Variants in FMNL1 observed in about 807,000 individuals in gnomAD.
FMNL1 encodes formin like 1.
FMNL1 carries 43 observed loss-of-function variants against 121.3 expected under a neutral mutation model. The ratio of observed to expected loss-of-function variants is 0.35; its 90% CI spans 0.28 to 0.46. FMNL1 has a LOEUF of 0.46. Ranked by LOEUF, FMNL1 falls within the 20% of genes least tolerant of loss-of-function variation. FMNL1 has a pLI of 1.00. For synonymous variants in FMNL1, 613 were observed against 613.5 expected, an observed-to-expected ratio of 1.00 and a Z score of 0.01; for missense variants, 1,191 against 1,482.4, an observed-to-expected ratio of 0.80 and a Z score of 3.23.
chr17:45,238,819 G>T lies in FMNL1; in HGVS notation c.970-136G>T, dbSNP rs904141460. 23 of 1,074,168 alleles carry T rather than the reference G, an allele frequency of 2.1e-5. No homozygotes were observed. The Admixed American group carries it at 3.4e-4, about 16-fold the overall frequency. 66.5% of individuals were successfully genotyped at this position (1,074,168 alleles called of 1,614,324 possible). On this transcript the variant is annotated intron_variant, in intron 10 of 26. Transcript: ENST00000331495. Reference sequence around the variant, plus strand: ...GATTGAGGGAACATGGAGGTGAAATGTTGGGCAGGCCAAGGCTGGGAGTTA... The same window carrying T: ...GATTGAGGGAACATGGAGGTGAAATTTTGGGCAGGCCAAGGCTGGGAGTTA...
Position 45,237,199 on chromosome 17 carries a change from G to C in FMNL1, c.724-82G>C. On this transcript the variant is annotated intron_variant, in intron 7 of 26. Transcript: ENST00000331495. This position sits in a 1 kb window ranked among gnomAD's most constrained non-coding sequence, Gnocchi z 4.4. ...TACAAAGAACTTCCTAAACTCGAGG[G>C]CAGTTAAAGATCCACGTGGCGTGGG... The C allele has an allele frequency of 7.9e-7, 1 of 1,269,926 alleles. No homozygotes were observed. The highest frequency in any genetic ancestry group is 2.3e-5 in the East Asian group (1 of 42,716). The allele number at this position is 1,269,926 out of a possible 1,614,324, so 78.7% of individuals were successfully genotyped here.
chr17:45,222,162 G>T lies in FMNL1; in HGVS notation c.38G>T (p.Gly13Val). The change falls in exon 1 of 27, where the codon GGC (glycine) becomes GTC (valine). Residue 13 changes from glycine (G) to valine (V), a missense_variant. By Grantham distance (109) the Gly-to-Val change is moderately radical. Transcript: ENST00000331495. The part of the protein sequence containing the change: ...NAAGSAEQPA[G>V]PAAPPPKQPA... ...GCCGGCAGCGCCGAGCAGCCCGCGG[G>T]CCCCGCCGCGCCGCCCCCCAAGCAG... 5 of 1,207,780 alleles carry T rather than the reference G, an allele frequency of 4.1e-6. No individual in the cohort carries two copies. The highest frequency in any genetic ancestry group is 5.1e-6 in the Non-Finnish European group (5 of 974,172). The allele number at this position is 1,207,780 out of a possible 1,614,324, so 74.8% of individuals were successfully genotyped here. A position where few individuals can be genotyped will look rare whatever the true frequency, so the allele number is the denominator to read the frequency against.
intron 1 of FMNL1, among the ~76,000 whole-genome samples, chr17:45,227,289 C>T (rs965971804): frequency 2.4e-4 from 37 of 152,174 alleles, no homozygotes; most frequent in East Asian, 1.9e-4. Flanking sequence ...GATGTGGACG[C>T]AGCCCCTTCA....
At chr17:45,228,920 C>T (rs1447690058) in intron 1 of FMNL1, among the ~76,000 whole-genome samples, 1 of 152,232 alleles carries the variant, frequency 6.6e-6, no homozygotes, top group African/African-American at 2.4e-5. Context: ...CTTGCTCCCA[C>T]CTTAGCCCTG....
At chr17:45,238,026 T>C in intron 9 of FMNL1, 2 of 215,456 alleles carry the variant, frequency 9.3e-6, no homozygotes, top group South Asian at 1.5e-4. Flanking sequence ...TCTTCATTCA[T>C]TCATTCCTTT....
At chr17:45,235,775 G>T (rs1355475295) in intron 6 of FMNL1, among the ~76,000 whole-genome samples, 1 of 152,186 alleles carries the variant, frequency 6.6e-6, no homozygotes, top group Non-Finnish European at 1.5e-5. Context: ...GCTGGGATGC[G>T]CCTGAACCCT....
At chr17:45,235,510 G>A (rs1055832940) in intron 6 of FMNL1, among the ~76,000 whole-genome samples, 3 of 152,218 alleles carry the variant, frequency 2.0e-5, no homozygotes, top group African/African-American at 7.2e-5. Flanking sequence ...TACTGGGAAT[G>A]TGATAGAATC....
At position 45,233,045 on chromosome 17, in the gene FMNL1, T is replaced by C. The variant is rs560552716; in HGVS notation, c.328-179T>C. 7.2e-6 allele frequency: 5 copies of C among 694,100 alleles called. No homozygotes were observed. In the South Asian group the frequency reaches 7.5e-5, roughly 10 times the overall value. The allele number at this position is 694,100 out of a possible 1,614,324, so 43.0% of individuals were successfully genotyped here. A position where few individuals can be genotyped will look rare whatever the true frequency, so the allele number is the denominator to read the frequency against. ...TTGTCTATGTATGGGGGAGCACATGTAGCCTGTGAGTTCTTATTCTGCTGG... is the reference window on the plus strand; with the variant it reads ...TTGTCTATGTATGGGGGAGCACATGCAGCCTGTGAGTTCTTATTCTGCTGG... On this transcript the variant is annotated intron_variant, in intron 3 of 26. Coordinates refer to ENST00000331495, the MANE Select transcript of FMNL1 (RefSeq NM_005892.4). This position sits in a 1 kb window ranked among gnomAD's most constrained non-coding sequence, Gnocchi z 4.1.
At chr17:45,244,432 C>T (rs1024329652) in intron 19 of FMNL1, among the ~76,000 whole-genome samples, 188 bp downstream of exon 19, 1 of 152,200 alleles carries the variant, frequency 6.6e-6, no homozygotes, top group African/African-American at 2.4e-5. Context: ...AGCAGCTCAC[C>T]TGGGACCCTG....
chr17:45,245,131 G>C, intron 21 of FMNL1, 23 bp downstream of exon 21: 1 of 1,612,486 alleles, frequency 6.2e-7, no homozygotes, highest in East Asian at 2.2e-5. Flanking sequence ...CAGATCCTTG[G>C]GTGTGGGGAG....
Position 45,232,451 on chromosome 17 carries a change from G to T in FMNL1, c.298G>T (p.Val100Leu). Residue 100 changes from valine (V) to leucine (L), a missense_variant, in exon 3 of 27, where the codon GTA (valine) becomes TTA (leucine). Physicochemically the swap from Val to Leu is conservative, Grantham distance 32. Transcript: ENST00000331495. ...YVDTGGVSRK[V>L]AADWMSNLGF... ...GGATACTGGTGGGGTCAGCCGAAAG[G>T]TAGCAGCTGATTGGATGTCCAACCT... The T allele has an allele frequency of 6.2e-7, 1 of 1,614,084 alleles. No individual in the cohort carries two copies. The highest frequency in any genetic ancestry group is 1.7e-5 in the Admixed American group (1 of 60,008).
At chr17:45,245,472 C>G (rs1415824888) in intron 22 of FMNL1, 56 bp downstream of exon 22, 4 of 1,611,928 alleles carry the variant, frequency 2.5e-6, no homozygotes, top group Non-Finnish European at 3.4e-6. Context: ...CTAGATAGCA[C>G]AGCCTGGAGG....
intron 1 of FMNL1, 55 bp from the exon 2 acceptor site, chr17:45,230,549 C>T: frequency 1.9e-6 from 3 of 1,572,086 alleles, no homozygotes; most frequent in Non-Finnish European, 2.6e-6. Context: ...CCCATTCTCC[C>T]CTCTCCCCTT....
In FMNL1 at chr17:45,241,562, C is replaced by A. The variant is rs1305853629; in HGVS notation, c.1513C>A (p.Pro505Thr). Residue 505 changes from proline (P) to threonine (T), a missense_variant, in exon 14 of 27, where the codon CCC becomes ACC. Pro to Thr is a conservative substitution (Grantham distance 38). This residue lies in a region of FMNL1 where 519 missense variants were observed against 492.8 expected (regional missense o/e 1.05). Transcript: ENST00000331495. The surrounding 1 kb of genome is among the most constrained non-coding windows in gnomAD (Gnocchi z 7.0). ...PGDAVSIEIL[P>T]VAVATPSGGD... ...GGATGCTGTCTCCATCGAGATCCTC[C>A]CCGTCGCTGTGGCAACTCCGAGCGG... The A allele has an allele frequency of 1.9e-6, 3 of 1,568,198 alleles. No homozygotes were observed. The highest frequency in any genetic ancestry group is 2.3e-5 in the East Asian group (1 of 43,022).
intron 7 of FMNL1, among the ~76,000 whole-genome samples, chr17:45,236,792 C>T (rs1241252062): frequency 6.6e-6 from 1 of 152,036 alleles, no homozygotes; most frequent in Non-Finnish European, 1.5e-5. Context: ...GAAACCCCAT[C>T]TCTATGAAAA....
At chr17:45,234,663 CAAAAAAAAAA>C (rs58221219) in intron 6 of FMNL1, 8,989 of 69,664 alleles carry the variant, frequency 0.13, 358 homozygotes, top group Admixed American at 0.22. Context: ...GACCCTGTCT[CAAAAAAAAAA>C]AAAAAAAAAA....
At chr17:45,225,975 G>T (rs536612956) in intron 1 of FMNL1, among the ~76,000 whole-genome samples, 30 of 152,164 alleles carry the variant, frequency 2.0e-4, no homozygotes, top group Non-Finnish European at 3.8e-4. Flanking sequence ...AGGGGATAAA[G>T]CTGGAGCTGA....
At position 45,245,249 on chromosome 17, in the gene FMNL1, C is replaced by T. The variant is rs370244348; in HGVS notation, c.2729-4C>T. The T allele has an allele frequency of 8.7e-6, 14 of 1,614,164 alleles. No individual in the cohort carries two copies. The African/African-American group carries it at 1.9e-4, about 22-fold the overall frequency. On this transcript the variant is annotated splice_region_variant and splice_polypyrimidine_tract_variant and intron_variant, in intron 21 of 26. Transcript: ENST00000331495. ...GACCTGATACTGCCCCATCCCTGGC[C>T]CAGTGTCCCTGGACAGTGTCCTGGC... is the stretch of plus-strand genomic sequence containing the variant.
Position 45,233,262 on chromosome 17 carries a change from G to A in FMNL1, c.366G>A (p.Arg122=), listed in dbSNP as rs1407249114. The A allele has an allele frequency of 1.3e-6, 2 of 1,562,190 alleles. No individual in the cohort carries two copies. Among genetic ancestry groups the A allele is most frequent in the Non-Finnish European group, 1.7e-6 (2 of 1,153,478 alleles). ...RRVQESTQVL[R]ELETSLRTNH... ...TTCAGGAGTCCACGCAGGTGCTACG[G>A]GAGCTGGAGACCTCCCTGAGGACCA... The change falls in exon 4 of 27, where the codon CGG becomes CGA. Residue 122 remains arginine (R), a synonymous_variant. Transcript: ENST00000331495. This position sits in a 1 kb window ranked among gnomAD's most constrained non-coding sequence, Gnocchi z 4.1.
Sources: allele counts gnomAD v4.1 joint callset (sites outside exome capture counted in the v4.1 genomes callset), GRCh38; gene constraint gnomAD v4.1.1; regional missense constraint gnomAD v4.1.1; non-coding constraint Gnocchi (gnomAD v3.1); transcripts MANE v1.5; gene names NCBI Gene and HGNC (gene_info 2026-07-23, HGNC 2026-07-21).